Variants in GPHN observed in about 807,000 individuals in gnomAD.
The protein encoded by GPHN is gephyrin.
Under a neutral mutation model 95.5 loss-of-function variants are expected in GPHN, and 17 were observed. The ratio of observed to expected loss-of-function variants is 0.18; its 90% confidence interval spans 0.12 to 0.27. The LOEUF is 0.27. Among genes scored for constraint, GPHN ranks in the 10% least tolerant of loss-of-function variants. GPHN has a pLI of 1.00. For synonymous variants in GPHN, 320 were observed against 322.5 expected, an observed-to-expected ratio of 0.99 and a Z score of 0.08; for missense variants, 660 against 978.1, an observed-to-expected ratio of 0.67 and a Z score of 4.34.
At chr14:67,215,406 GTT>G in the GPHN span, among the ~76,000 whole-genome samples, 1 of 109,512 alleles carries the variant, frequency 9.1e-6, no homozygotes. Context: ...CTGATCTATT[GTT>G]TTTTTTTTTT....
At chr14:67,105,035 G>T (rs1407737735) in intron 13 of GPHN, among the ~76,000 whole-genome samples, 1 of 151,816 alleles carries the variant, frequency 6.6e-6, no homozygotes, top group Non-Finnish European at 1.5e-5. Flanking sequence ...TTTGTCTGCT[G>T]TGTTTCTATT....
chr14:66,645,763 AATTTT>A (rs1347700303), intron 1 of GPHN, among the ~76,000 whole-genome samples: 1 of 151,850 alleles, frequency 6.6e-6, no homozygotes, highest in Non-Finnish European at 1.5e-5. Flanking sequence ...TATTTATAAC[AATTTT>A]ATTTTATTTT....
intron 15 of GPHN, among the ~76,000 whole-genome samples, chr14:67,112,620 C>G (rs1408263752): frequency 6.6e-6 from 1 of 152,112 alleles, no homozygotes. Flanking sequence ...AGCTGTGGAC[C>G]TCTTATCATT....
At chr14:67,109,281 A>C (rs2078233257) in intron 13 of GPHN, among the ~76,000 whole-genome samples, 1 of 152,128 alleles carries the variant, frequency 6.6e-6, no homozygotes, top group South Asian at 2.1e-4. Flanking sequence ...GGGGATTAAT[A>C]TTGTCTCAGG....
At chr14:67,473,661 T>A in the GPHN span, 1 of 1,580,284 alleles carries the variant, frequency 6.3e-7, no homozygotes, top group Non-Finnish European at 8.6e-7. The surrounding 1 kb of genome is among the most constrained non-coding windows in gnomAD (Gnocchi z 6.5). Context: ...GGTGGTGAAC[T>A]CCCACAGGTA....
At chr14:67,400,808 T>TG in the GPHN span, among the ~76,000 whole-genome samples, 12 of 151,170 alleles carry the variant, frequency 7.9e-5, no homozygotes, top group Non-Finnish European at 1.2e-4. Flanking sequence ...GGCAACATAG[T>TG]GAAATGCCAT....
At chr14:66,558,349 T>C (rs2140246623) in intron 1 of GPHN, among the ~76,000 whole-genome samples, 1 of 152,198 alleles carries the variant, frequency 6.6e-6, no homozygotes, top group East Asian at 1.9e-4. Flanking sequence ...TGAAATACAG[T>C]GAGGAAAATA....
the GPHN span, among the ~76,000 whole-genome samples, chr14:67,717,133 T>C: frequency 1.3e-5 from 2 of 152,184 alleles, no homozygotes; most frequent in African/African-American, 4.8e-5. Context: ...TCAATATTTA[T>C]TTAGTTTTTT....
the GPHN span, among the ~76,000 whole-genome samples, chr14:67,428,650 G>T: frequency 6.6e-6 from 1 of 152,266 alleles, no homozygotes; most frequent in African/African-American, 2.4e-5. Flanking sequence ...GAGAGCGGGT[G>T]AAACTGCATT....
intron 1 of GPHN, among the ~76,000 whole-genome samples, chr14:66,524,767 G>A (rs938021369): frequency 6.6e-6 from 1 of 152,004 alleles, no homozygotes; most frequent in Non-Finnish European, 1.5e-5. Flanking sequence ...CTGTTCTCGT[G>A]TTAGTTTGCT....
intron 9 of GPHN, among the ~76,000 whole-genome samples, chr14:67,019,216 T>C (rs1162242961): frequency 6.6e-6 from 1 of 152,212 alleles, no homozygotes; most frequent in Non-Finnish European, 1.5e-5. Context: ...TTTGCTTTTT[T>C]AACAATGTAA....
intron 4 of GPHN, chr14:66,842,859 C>A: frequency 1.5e-6 from 1 of 645,264 alleles, no homozygotes; most frequent in Non-Finnish European, 2.7e-6. Flanking sequence ...TATCTATGTT[C>A]TAGGGTCATT....
chr14:66,756,302 CA>C (rs1338413415), intron 2 of GPHN, among the ~76,000 whole-genome samples: 1 of 152,038 alleles, frequency 6.6e-6, no homozygotes, highest in Non-Finnish European at 1.5e-5. Flanking sequence ...AGTGCCCTAA[CA>C]TATTTTTTTA....
At chr14:66,763,795 C>T (rs916738212) in intron 2 of GPHN, among the ~76,000 whole-genome samples, 1 of 152,068 alleles carries the variant, frequency 6.6e-6, no homozygotes, top group Admixed American at 6.5e-5. Context: ...GAGCGGCAGA[C>T]GTGAGCAAAA....
intron 1 of GPHN, among the ~76,000 whole-genome samples, chr14:66,653,661 A>T (rs554034196): frequency 1.3e-5 from 2 of 152,328 alleles, no homozygotes; most frequent in South Asian, 4.1e-4. Flanking sequence ...TAAATCAAGA[A>T]ACTTATATAA....
chr14:66,742,918 T>C (rs1394371127), intron 2 of GPHN, among the ~76,000 whole-genome samples: 5 of 152,214 alleles, frequency 3.3e-5, no homozygotes, highest in South Asian at 2.1e-4. Context: ...CACACCGCCA[T>C]GCTTGGCTAA....
chr14:67,521,415 A>G, the GPHN span, among the ~76,000 whole-genome samples: 1 of 152,192 alleles, frequency 6.6e-6, no homozygotes, highest in Non-Finnish European at 1.5e-5. Context: ...CCCAGGAGAA[A>G]TGATCAAGTC....
the GPHN span, chr14:67,646,575 C>A: frequency 7.9e-7 from 1 of 1,273,752 alleles, no homozygotes; most frequent in Non-Finnish European, 1.1e-6. Context: ...TACCCACGGA[C>A]GCACATGATA....
At chr14:67,352,080 G>A in the GPHN span, among the ~76,000 whole-genome samples, 1 of 151,782 alleles carries the variant, frequency 6.6e-6, no homozygotes, top group African/African-American at 2.4e-5. Flanking sequence ...AGCCCAGGTG[G>A]TTGAGACCAC....
Sources: gnomAD v4.1 joint callset for allele counts (sites outside exome capture counted in the v4.1 genomes callset) on GRCh38, gnomAD v4.1.1 for gene constraint, Gnocchi (gnomAD v3.1) non-coding constraint, MANE v1.5 for transcripts, NCBI Gene and HGNC (gene_info 2026-07-23, HGNC 2026-07-21) for gene names.